Variants in SCN2A observed in about 807,000 individuals in gnomAD.
SCN2A encodes sodium voltage-gated channel alpha subunit 2, also known as sodium channel protein type 2 subunit alpha.
In SCN2A, 20 loss-of-function variants were observed where a neutral mutation model predicts 188.7. That is an observed-to-expected ratio of 0.11 (90% CI 0.07 to 0.15). The LOEUF (loss-of-function observed/expected upper bound fraction) is 0.15, where lower values mean the gene tolerates loss of function less well. Among genes scored for constraint, SCN2A ranks in the 10% least tolerant of loss-of-function variants. The pLI is 1.00. For missense variants in SCN2A, 1,278 were observed against 2,445.0 expected (o/e 0.52, Z 10.07); for synonymous variants, 804 against 833.1 (o/e 0.97, Z 0.60).
At chr2:165,291,462 CTT>C (rs766303031) in intron 1 of SCN2A, among the ~76,000 whole-genome samples, 1 of 34,500 alleles carries the variant, frequency 2.9e-5, no homozygotes, top group African/African-American at 9.1e-5. Context: ...TTCTTTCTTT[CTT>C]TCTTTCTTTC....
At chr2:165,382,930 A>C (rs1343293613) in intron 25 of SCN2A, among the ~76,000 whole-genome samples, 4 of 152,178 alleles carry the variant, frequency 2.6e-5, no homozygotes, top group Non-Finnish European at 5.9e-5. Flanking sequence ...TAAATCAATG[A>C]AGAAATGAGC....
chr2:165,287,740 A>G (rs1286028388), intron 1 of SCN2A, among the ~76,000 whole-genome samples: 1 of 151,990 alleles, frequency 6.6e-6, no homozygotes, highest in Admixed American at 6.6e-5. Context: ...TTGGGTTCTT[A>G]AAGTTTGCAG....
chr2:165,381,059 A>T (rs1701576836), intron 24 of SCN2A, 34 bp from the exon 25 acceptor site: 4 of 1,428,064 alleles, frequency 2.8e-6, no homozygotes, highest in Non-Finnish European at 2.9e-6. Context: ...AGCAAAGAAC[A>T]CAATTTTAAC....
At position 165,315,877 on chromosome 2, in the gene SCN2A, T is replaced by C; in HGVS notation, c.1671+119T>C. 5 of 1,168,462 alleles carry C rather than the reference T, an allele frequency of 4.3e-6. No individual in the cohort carries two copies. The East Asian group carries it at 1.2e-4, about 28-fold the overall frequency. 72.4% of individuals were successfully genotyped at this position (1,168,462 alleles called of 1,614,324 possible). A position where few individuals can be genotyped will look rare whatever the true frequency, so the allele number is the denominator to read the frequency against. On this transcript the variant is annotated intron_variant, in intron 11 of 26. Transcript: ENST00000375437. ...TGGCACAATGCTTTCAGAGTAGTGATGATTATCAAGTGTTTTGGCTATCAC... is the reference window on the plus strand; with the variant it reads ...TGGCACAATGCTTTCAGAGTAGTGACGATTATCAAGTGTTTTGGCTATCAC...
At chr2:165,239,750 A>G (rs1693537063) in intron 1 of SCN2A, 110 bp downstream of exon 1, 1 of 409,678 alleles carries the variant, frequency 2.4e-6, no homozygotes, top group African/African-American at 2.2e-5. Context: ...GATCTAAGAG[A>G]TTCAAAAGCT....
chr2:165,348,585 G>T (rs1166105740), intron 16 of SCN2A, among the ~76,000 whole-genome samples: 1 of 152,170 alleles, frequency 6.6e-6, no homozygotes, highest in African/African-American at 2.4e-5. Context: ...ATTATAAACA[G>T]TGGCTTAAAA....
chr2:165,257,953 C>T (rs1050412739), intron 1 of SCN2A, among the ~76,000 whole-genome samples: 2 of 151,814 alleles, frequency 1.3e-5, no homozygotes, highest in Non-Finnish European at 2.9e-5. Flanking sequence ...TGTCTGCTCA[C>T]GTCCTTTGCC....
At chr2:165,259,722 A>G (rs542177441) in intron 1 of SCN2A, among the ~76,000 whole-genome samples, 1 of 152,178 alleles carries the variant, frequency 6.6e-6, no homozygotes, top group East Asian at 1.9e-4. Flanking sequence ...CCTCCACCGA[A>G]TTCTTGAACC....
chr2:165,252,979 G>A (rs777247399), intron 1 of SCN2A, among the ~76,000 whole-genome samples: 3 of 152,016 alleles, frequency 2.0e-5, no homozygotes, highest in Non-Finnish European at 2.9e-5. Flanking sequence ...AGTGGGGACG[G>A]GCAGTTTAGC....
chr2:165,300,071 G>C (rs1225292194), intron 3 of SCN2A, among the ~76,000 whole-genome samples: 2 of 152,056 alleles, frequency 1.3e-5, no homozygotes, highest in African/African-American at 4.8e-5. Flanking sequence ...CTTTTGATGT[G>C]CCTAGTGTCT....
intron 24 of SCN2A, 83 bp downstream of exon 24, chr2:165,380,812 C>G: frequency 9.0e-7 from 1 of 1,105,068 alleles, no homozygotes; most frequent in South Asian, 1.4e-5. Flanking sequence ...AAAATGCAAT[C>G]ACCAAAAAAA....
intron 12 of SCN2A, 57 bp downstream of exon 12, chr2:165,323,557 G>A (rs1056258391): frequency 3.4e-6 from 5 of 1,485,398 alleles, no homozygotes; most frequent in African/African-American, 1.4e-5. Context: ...GTGCAGGCAG[G>A]AGTGTTTTTC....
chr2:165,248,523 C>A (rs1299038524), intron 1 of SCN2A, among the ~76,000 whole-genome samples: 1 of 152,108 alleles, frequency 6.6e-6, no homozygotes, highest in Admixed American at 6.6e-5. Context: ...TTAACTATCC[C>A]ATTTAAAAAT....
chr2:165,319,689 C>T (rs1697970161), intron 11 of SCN2A, among the ~76,000 whole-genome samples: 1 of 152,090 alleles, frequency 6.6e-6, no homozygotes, highest in Admixed American at 6.6e-5. Flanking sequence ...AGAGTGAAAG[C>T]CAAGCAAAAG....
intron 25 of SCN2A, among the ~76,000 whole-genome samples, chr2:165,382,362 G>A (rs1363998294): frequency 6.6e-6 from 1 of 152,062 alleles, no homozygotes; most frequent in Non-Finnish European, 1.5e-5. Context: ...AGAGACTGGT[G>A]TGGAACAATA....
At position 165,388,961 on chromosome 2, in the gene SCN2A, T is replaced by A; in HGVS notation, c.5155T>A (p.Leu1719Met). The change falls in exon 27 of 27, where the codon TTG becomes ATG. Residue 1719 changes from leucine to methionine, a missense_variant. Transcript: ENST00000375437. ...TACAACCTCTGCTGGCTGGGATGGA[T>A]TGCTAGCACCTATTCTTAATAGTGG... ...QITTSAGWDGLLAPILNSGPP... is the reference protein window; with the variant it reads ...QITTSAGWDGMLAPILNSGPP... 6.2e-7 allele frequency: 1 copy of A among 1,614,108 alleles called. No individual in the cohort carries two copies. Among genetic ancestry groups the A allele is most frequent in the South Asian group, 1.1e-5 (1 of 91,080 alleles).
intron 22 of SCN2A, 99 bp downstream of exon 22, chr2:165,375,065 A>C (rs1050300278): frequency 9.8e-7 from 1 of 1,019,020 alleles, no homozygotes; most frequent in African/African-American, 1.6e-5. Flanking sequence ...AATGGCTATT[A>C]TCAAACAGAT....
intron 26 of SCN2A, among the ~76,000 whole-genome samples, chr2:165,387,927 C>T (rs945013695): frequency 2.6e-5 from 4 of 152,218 alleles, no homozygotes; most frequent in African/African-American, 7.2e-5. Context: ...CTTACCTTCT[C>T]AGTGACCTAA....
chr2:165,344,863 C>A lies in SCN2A; in HGVS notation c.2871C>A (p.Thr957=). Residue 957 remains threonine (T), a synonymous_variant, in exon 16 of 27, where the codon ACC becomes ACA. Coordinates refer to ENST00000375437, the MANE Select transcript of SCN2A (RefSeq NM_001040142.2). ...ACTGTATGGAGGTCGCTGGCCAAACCATGTGCCTTACTGTCTTCATGATGG... is the reference window on the plus strand; with the variant it reads ...ACTGTATGGAGGTCGCTGGCCAAACAATGTGCCTTACTGTCTTCATGATGG... ...MWDCMEVAGQ[T]MCLTVFMMVM... 3.1e-6 allele frequency: 5 copies of A among 1,614,124 alleles called. No homozygotes were observed. Among genetic ancestry groups the A allele is most frequent in the Non-Finnish European group, 4.2e-6 (5 of 1,180,034 alleles).
Sources: gnomAD v4.1 joint callset for allele counts (sites outside exome capture counted in the v4.1 genomes callset) on GRCh38, gnomAD v4.1.1 for gene constraint, MANE v1.5 for transcripts, NCBI Gene and HGNC (gene_info 2026-07-23, HGNC 2026-07-21) for gene names.